Variants in ILRUN observed in about 807,000 individuals in gnomAD.
The protein encoded by ILRUN is protein ILRUN.
ILRUN carries 3 observed loss-of-function variants against 33.8 expected under a neutral mutation model. That is an observed-to-expected ratio of 0.09 (90% CI 0.04 to 0.23). The LOEUF (loss-of-function observed/expected upper bound fraction) is 0.23, where lower values mean the gene tolerates loss of function less well. Ranked by LOEUF, ILRUN falls within the 10% of genes least tolerant of loss-of-function variation. The pLI is 1.00. For missense variants in ILRUN, 210 were observed against 375.1 expected, an observed-to-expected ratio of 0.56 and a Z score of 3.64; for synonymous variants, 124 against 138.9, an observed-to-expected ratio of 0.89 and a Z score of 0.75.
At chr6:34,611,300 A>G (rs1361235188) in intron 3 of ILRUN, among the ~76,000 whole-genome samples, 1 of 151,486 alleles carries the variant, frequency 6.6e-6, no homozygotes, top group Non-Finnish European at 1.5e-5. Context: ...CCACCTCCCC[A>G]TCTCTTTGCG....
At chr6:34,630,020 T>G (rs1193233095) in intron 3 of ILRUN, among the ~76,000 whole-genome samples, 1 of 152,182 alleles carries the variant, frequency 6.6e-6, no homozygotes, top group African/African-American at 2.4e-5. Context: ...ATAGAACAAT[T>G]TCAACAGTAT....
chr6:34,671,562 T>C (rs772602818), intron 1 of ILRUN, among the ~76,000 whole-genome samples: 3 of 152,228 alleles, frequency 2.0e-5, no homozygotes, highest in Admixed American at 6.5e-5. Context: ...TCAACTGGCA[T>C]ACCAAAATGT....
chr6:34,675,389 T>C (rs1409581440), intron 1 of ILRUN, among the ~76,000 whole-genome samples: 1 of 152,176 alleles, frequency 6.6e-6, no homozygotes, highest in Non-Finnish European at 1.5e-5. Context: ...CAGGGAAATG[T>C]ACATTTTTCA....
chr6:34,629,024 AT>A (rs1307902875), intron 3 of ILRUN, among the ~76,000 whole-genome samples: 4 of 152,140 alleles, frequency 2.6e-5, no homozygotes, highest in African/African-American at 9.7e-5. Flanking sequence ...GGTGAGGATC[AT>A]TTGTGCCTGG....
chr6:34,642,764 G>A (rs183029058), intron 3 of ILRUN, among the ~76,000 whole-genome samples: 32 of 144,554 alleles, frequency 2.2e-4, no homozygotes, highest in African/African-American at 8.4e-4. Context: ...TGAGGAGGGA[G>A]GACCACTTGA....
At position 34,589,180 on chromosome 6, in the gene ILRUN, C is replaced by G. The variant is rs533435756; in HGVS notation, c.*1385G>C. The G allele has an allele frequency of 6.5e-6, 1 of 152,722 alleles. No homozygotes were observed. The highest frequency in any genetic ancestry group is 1.5e-5 in the Non-Finnish European group (1 of 68,086). 9.5% of individuals were successfully genotyped at this position (152,722 alleles called of 1,614,324 possible). A position where few individuals can be genotyped will look rare whatever the true frequency, so the allele number is the denominator to read the frequency against. On this transcript the variant is annotated 3_prime_UTR_variant, in exon 5 of 5. Coordinates refer to ENST00000374023, the MANE Select transcript of ILRUN (RefSeq NM_024294.4). ...GGCAGACAGCTGTTCTAGCCTGGTT[C>G]AAGCTTCCCATGGAGATATCCACAT...
chr6:34,639,960 G>A, intron 3 of ILRUN, among the ~76,000 whole-genome samples: 1 of 152,084 alleles, frequency 6.6e-6, no homozygotes, highest in East Asian at 1.9e-4. Context: ...GAATTTGTTA[G>A]TACTTTCTAC....
chr6:34,644,037 CT>C (rs1762522968), intron 3 of ILRUN, among the ~76,000 whole-genome samples: 1 of 152,124 alleles, frequency 6.6e-6, no homozygotes, highest in African/African-American at 2.4e-5. Flanking sequence ...TTTCCAAGAT[CT>C]TTTTAAAGTC....
In ILRUN at chr6:34,588,441, G is replaced by A. The variant is rs988673358; in HGVS notation, c.*2124C>T. On this transcript the variant is annotated 3_prime_UTR_variant, in exon 5 of 5. Transcript: ENST00000374023. ...GCCTCCCACAATCCTGCCAGGGACA[G>A]TGGAGATGTGCTGCTTCAAGGCTAC... is the stretch of plus-strand genomic sequence containing the variant. 1 of 389,822 alleles carries A rather than the reference G, an allele frequency of 2.6e-6. No individual in the cohort carries two copies. Among genetic ancestry groups the A allele is most frequent in the African/African-American group, 2.1e-5 (1 of 48,472 alleles). 24.1% of individuals were successfully genotyped at this position (389,822 alleles called of 1,614,324 possible).
intron 3 of ILRUN, among the ~76,000 whole-genome samples, chr6:34,626,859 G>T (rs62398734): frequency 6.6e-6 from 1 of 151,994 alleles, no homozygotes; most frequent in African/African-American, 2.4e-5. Flanking sequence ...ACAAAAATAA[G>T]CCAGGCATGG....
chr6:34,630,893 T>A (rs572640186), intron 3 of ILRUN, among the ~76,000 whole-genome samples: 3 of 152,348 alleles, frequency 2.0e-5, no homozygotes, highest in Non-Finnish European at 4.4e-5. Context: ...TCAGAGATTA[T>A]TTCCTCAGTT....
At chr6:34,675,245 C>T (rs1763203882) in intron 1 of ILRUN, among the ~76,000 whole-genome samples, 1 of 152,050 alleles carries the variant, frequency 6.6e-6, no homozygotes, top group South Asian at 2.1e-4. Context: ...GGCGCCACTG[C>T]ACTCCAGCCT....
intron 3 of ILRUN, chr6:34,616,844 C>T (rs1000438087): frequency 4.3e-6 from 3 of 696,018 alleles, no homozygotes; most frequent in African/African-American, 1.7e-5. Flanking sequence ...GGTGTTGCAG[C>T]TTCTTTGCCT....
intron 2 of ILRUN, among the ~76,000 whole-genome samples, chr6:34,647,273 T>G (rs900716498): frequency 6.6e-6 from 1 of 152,214 alleles, no homozygotes; most frequent in Admixed American, 6.5e-5. Flanking sequence ...TTCAATGGTA[T>G]TATTCTCAAT....
intron 3 of ILRUN, among the ~76,000 whole-genome samples, chr6:34,612,416 AAAT>A (rs1288433566): frequency 2.6e-5 from 4 of 152,242 alleles, no homozygotes; most frequent in East Asian, 1.9e-4. Context: ...CTGTCTCAAA[AAAT>A]AATAATAATA....
intron 4 of ILRUN, among the ~76,000 whole-genome samples, chr6:34,602,492 C>T: frequency 6.6e-6 from 1 of 152,182 alleles, no homozygotes; most frequent in East Asian, 1.9e-4. Flanking sequence ...TACTCTGGCC[C>T]CCCAGAGATG....
At position 34,633,871 on chromosome 6, in the gene ILRUN, TGGAG is replaced by T. The variant is rs1490580347; in HGVS notation, c.511+12726_511+12729del. On this transcript the variant is annotated intron_variant, in intron 3 of 4. Coordinates refer to ENST00000374023, the MANE Select transcript of ILRUN (RefSeq NM_024294.4). The stretch of plus-strand genomic sequence containing the variant: ...GAGAGGAGGGGAGGGGAGGGAGACA[TGGAG>T]GGAGAGAGGGAGGGAGGGAGGGAGG... 8.3e-3 allele frequency among the ~76,000 whole-genome samples: 488 copies of T among 58,510 alleles called. 4 individuals are homozygous for T. The highest frequency in any genetic ancestry group is 0.03 in the African/African-American group (370 of 12,344). The allele number at this position is 58,510 out of a possible 152,430, so 38.4% of individuals were successfully genotyped here. A position where few individuals can be genotyped will look rare whatever the true frequency, so the allele number is the denominator to read the frequency against.
chr6:34,590,707 A>G (rs1304160012), intron 4 of ILRUN, 107 bp from the exon 5 acceptor site: 6 of 836,818 alleles, frequency 7.2e-6, no homozygotes, highest in Non-Finnish European at 1.3e-5. Flanking sequence ...GGAAGCCCCA[A>G]TCCACAGACA....
chr6:34,655,656 GCA>G (rs1400946670), intron 1 of ILRUN, among the ~76,000 whole-genome samples: 1 of 152,068 alleles, frequency 6.6e-6, no homozygotes, highest in Non-Finnish European at 1.5e-5. Flanking sequence ...ATAAGCTTAA[GCA>G]CACAGTTTTG....
Sources: gnomAD v4.1 joint callset for allele counts (sites outside exome capture counted in the v4.1 genomes callset) on GRCh38, gnomAD v4.1.1 for gene constraint, MANE v1.5 for transcripts, NCBI Gene and HGNC (gene_info 2026-07-23, HGNC 2026-07-21) for gene names.